The following THEMIS variants were observed in gnomAD, a reference collection of about 807,000 sequenced individuals.
The protein encoded by THEMIS is protein THEMIS.
In THEMIS, 37 loss-of-function variants were observed where a neutral mutation model predicts 52.6. The observed-to-expected ratio is 0.70, with a 90% CI of 0.54 to 0.93. The LOEUF (loss-of-function observed/expected upper bound fraction) is 0.93. Among genes scored for constraint, THEMIS ranks in the 40% least tolerant of loss-of-function variants. The pLI, the probability that THEMIS is intolerant of heterozygous loss-of-function variation, is 0.00. For missense variants in THEMIS, 808 were observed against 763.1 expected (o/e 1.06, Z -0.69); for synonymous variants, 292 against 272.7 (o/e 1.07, Z -0.70).
intron 4 of THEMIS, among the ~76,000 whole-genome samples, chr6:127,767,350 C>T (rs1011212271): frequency 6.6e-6 from 1 of 152,138 alleles, no homozygotes; most frequent in Admixed American, 6.5e-5. Flanking sequence ...CCTTGGCCTC[C>T]CAAAGTGCTG....
intron 2 of THEMIS, 119 bp downstream of exon 2, chr6:127,854,911 T>A: frequency 1.2e-6 from 1 of 806,438 alleles, no homozygotes; most frequent in Non-Finnish European, 1.7e-6. Context: ...TTCCGGATTT[T>A]CCCCCCCATT....
At chr6:127,821,554 AT>A (rs1353701432) in intron 3 of THEMIS, among the ~76,000 whole-genome samples, 2 of 151,828 alleles carry the variant, frequency 1.3e-5, no homozygotes, top group Non-Finnish European at 2.9e-5. Flanking sequence ...TTTCCATTCC[AT>A]TTTTTCTGAA....
At chr6:127,714,748 G>A (rs559656362) in intron 5 of THEMIS, among the ~76,000 whole-genome samples, 1 of 151,924 alleles carries the variant, frequency 6.6e-6, no homozygotes, top group African/African-American at 2.4e-5. Flanking sequence ...GCACCTCATG[G>A]AATAGTTTCC....
intron 4 of THEMIS, among the ~76,000 whole-genome samples, chr6:127,752,285 A>G (rs547595352): frequency 2.6e-5 from 4 of 151,582 alleles, no homozygotes; most frequent in African/African-American, 9.6e-5. Context: ...CCCAAAGTTA[A>G]CAGAGGGGAG....
intron 4 of THEMIS, among the ~76,000 whole-genome samples, chr6:127,783,782 T>C (rs905117817): frequency 1.9e-4 from 29 of 152,196 alleles, no homozygotes; most frequent in African/African-American, 6.8e-4. Flanking sequence ...TGTTACACTG[T>C]TGTTGGGAAT....
chr6:127,858,481 T>C (rs992881853), intron 1 of THEMIS, among the ~76,000 whole-genome samples: 14 of 152,108 alleles, frequency 9.2e-5, no homozygotes, highest in African/African-American at 1.7e-4. Context: ...CAGGGACATA[T>C]AGCAAAGCTT....
At chr6:127,861,429 A>G (rs1251413410) in intron 1 of THEMIS, among the ~76,000 whole-genome samples, 4 of 152,062 alleles carry the variant, frequency 2.6e-5, no homozygotes, top group Non-Finnish European at 5.9e-5. Context: ...TATTTCCCTA[A>G]CTTTGTTAGC....
intron 1 of THEMIS, among the ~76,000 whole-genome samples, chr6:127,899,464 T>C (rs569443300): frequency 6.6e-6 from 1 of 151,768 alleles, no homozygotes; most frequent in South Asian, 2.1e-4. Flanking sequence ...GAGGTGAACA[T>C]ATAATATGAT....
chr6:127,829,602 T>C lies in THEMIS; in HGVS notation c.583A>G (p.Asn195Asp), dbSNP rs1407742878. The change falls in exon 3 of 6, where the codon AAC (asparagine) becomes GAC (aspartate). Residue 195 changes from asparagine to aspartate, a missense_variant. Transcript: ENST00000368248. ...KEIVEWKIPK[N>D]RTRTVNLTDF... is the part of the protein sequence containing the mutation. ...GTAAGGTTTACAGTTCTTGTTCTGT[T>C]CTTAGGAATCTTCCATTCAACAATC... The C allele has an allele frequency of 1.2e-6, 2 of 1,614,098 alleles. No individual in the cohort carries two copies. The highest frequency in any genetic ancestry group is 1.7e-6 in the Non-Finnish European group (2 of 1,179,994).
intron 1 of THEMIS, among the ~76,000 whole-genome samples, chr6:127,917,596 T>A (rs1353569496): frequency 6.6e-6 from 1 of 152,212 alleles, no homozygotes; most frequent in South Asian, 2.1e-4. Flanking sequence ...CTCCTAGTCA[T>A]GAGAATTCTC....
At chr6:127,787,880 T>TAGATAGATAGATAGATAGATAGATATAG (rs200767496) in intron 4 of THEMIS, among the ~76,000 whole-genome samples, 28 of 120,004 alleles carry the variant, frequency 2.3e-4, no homozygotes, top group South Asian at 8.3e-4. Flanking sequence ...GATAGATAGA[T>TAGATAGATAGATAGATAGATAGATATAG]ATAGATAGAT....
intron 4 of THEMIS, among the ~76,000 whole-genome samples, chr6:127,807,717 A>G (rs746594400): frequency 2.0e-5 from 3 of 152,218 alleles, no homozygotes; most frequent in Non-Finnish European, 4.4e-5. Flanking sequence ...ATGTATTTAT[A>G]CTACATCAGG....
intron 1 of THEMIS, among the ~76,000 whole-genome samples, chr6:127,857,843 C>A (rs1779669274): frequency 6.6e-6 from 1 of 151,922 alleles, no homozygotes; most frequent in Non-Finnish European, 1.5e-5. Flanking sequence ...GCAAAACTAA[C>A]ATAGAGGGGA....
intron 3 of THEMIS, among the ~76,000 whole-genome samples, chr6:127,826,019 A>C (rs1394506432): frequency 6.6e-6 from 1 of 152,204 alleles, no homozygotes; most frequent in Non-Finnish European, 1.5e-5. Flanking sequence ...TATACTGAGA[A>C]TATAGGGAAG....
chr6:127,705,828 T>C (rs1773791066), downstream of THEMIS, among the ~76,000 whole-genome samples: 1 of 152,186 alleles, frequency 6.6e-6, no homozygotes, highest in East Asian at 1.9e-4. Flanking sequence ...CTCTTGGATT[T>C]GGAACAAATT....
At position 127,900,979 on chromosome 6, in the gene THEMIS, T is replaced by C; in HGVS notation, c.-47A>G. ...TAGACCTGGTGCTCACAGAAACTTG[T>C]GGCTTCTGGGTGACACTTGTCTGCA... On this transcript the variant is annotated 5_prime_UTR_variant, in exon 1 of 6. Transcript: ENST00000368248. 3 of 1,508,306 alleles carry C rather than the reference T, an allele frequency of 2.0e-6. No homozygotes were observed. The highest frequency in any genetic ancestry group is 1.8e-6 in the Non-Finnish European group (2 of 1,084,506). 93.4% of individuals were successfully genotyped at this position (1,508,306 alleles called of 1,614,324 possible). A position where few individuals can be genotyped will look rare whatever the true frequency, so the allele number is the denominator to read the frequency against.
At chr6:127,788,834 T>G (rs761392945) in intron 4 of THEMIS, among the ~76,000 whole-genome samples, 54 of 152,056 alleles carry the variant, frequency 3.6e-4, no homozygotes, top group Non-Finnish European at 7.8e-4. Flanking sequence ...TTATTTACCT[T>G]AATATAGTAA....
intron 2 of THEMIS, among the ~76,000 whole-genome samples, chr6:127,847,316 T>C (rs1178098463): frequency 1.3e-5 from 2 of 151,922 alleles, no homozygotes; most frequent in African/African-American, 4.8e-5. Flanking sequence ...ATAAAGGGCA[T>C]CCAAATTGGA....
At chr6:127,837,164 A>G (rs900307758) in intron 2 of THEMIS, among the ~76,000 whole-genome samples, 25 of 152,098 alleles carry the variant, frequency 1.6e-4, no homozygotes, top group African/African-American at 5.6e-4. Flanking sequence ...TATACACAAA[A>G]AGACACAGAA....
Sources: gnomAD v4.1 joint callset for allele counts (sites outside exome capture counted in the v4.1 genomes callset) on GRCh38, gnomAD v4.1.1 for gene constraint, MANE v1.5 for transcripts, NCBI Gene and HGNC (gene_info 2026-07-23, HGNC 2026-07-21) for gene names.